Variants in ZFAT observed in about 807,000 individuals in gnomAD.
The protein encoded by ZFAT is zinc finger protein ZFAT.
Under a neutral mutation model 117.7 loss-of-function variants are expected in ZFAT, and 64 were observed. The ratio of observed to expected loss-of-function variants is 0.54; its 90% CI spans 0.44 to 0.67. The LOEUF is 0.67. ZFAT is among the 30% of genes least tolerant of loss of function. The probability of loss-of-function intolerance (pLI) is 0.00; values close to 1 mark genes in which losing one functional copy is unlikely to be tolerated. For synonymous variants in ZFAT, 679 were observed against 615.0 expected, an observed-to-expected ratio of 1.10 and a Z score of -1.54; for missense variants, 1,433 against 1,584.5, an observed-to-expected ratio of 0.90 and a Z score of 1.62.
chr8:134,520,863 A>G lies in ZFAT; in HGVS notation c.3234+20T>C, dbSNP rs778918985. On this transcript the variant is annotated intron_variant, in intron 13 of 15. Transcript: ENST00000377838. ...TGTGTTTTGAAATGTCAAGATTAAT[A>G]CCATACTTAAAAAAATTACCTCCCA... The G allele has an allele frequency of 2.5e-6, 4 of 1,591,822 alleles. No individual in the cohort carries two copies. Among genetic ancestry groups the G allele is most frequent in the East Asian group, 4.5e-5 (2 of 44,734 alleles).
intron 3 of ZFAT, among the ~76,000 whole-genome samples, chr8:134,636,985 T>C (rs1319880098): frequency 6.6e-6 from 1 of 152,258 alleles, no homozygotes; most frequent in Non-Finnish European, 1.5e-5. Flanking sequence ...TTGAGGATCC[T>C]AATCTCTGCA....
the ZFAT span, among the ~76,000 whole-genome samples, chr8:134,726,534 C>T: frequency 1.3e-5 from 2 of 152,190 alleles, no homozygotes; most frequent in African/African-American, 2.4e-5. Flanking sequence ...AGCCCACTCA[C>T]CCAAGTCCTG....
At chr8:134,600,778 G>T in intron 6 of ZFAT, 110 bp from the exon 7 acceptor site, 1 of 883,026 alleles carries the variant, frequency 1.1e-6, no homozygotes, top group Non-Finnish European at 1.7e-6. Flanking sequence ...TCTTGCGCTT[G>T]TCCGGGTCAC....
intron 1 of ZFAT, among the ~76,000 whole-genome samples, chr8:134,669,879 A>G (rs534139028): frequency 1.4e-3 from 211 of 152,338 alleles, no homozygotes; most frequent in Middle Eastern, 6.8e-3. Flanking sequence ...AGAGACACAC[A>G]TAGGCTCAAA....
At chr8:134,791,248 C>T in the ZFAT span, among the ~76,000 whole-genome samples, 1 of 152,226 alleles carries the variant, frequency 6.6e-6, no homozygotes, top group Non-Finnish European at 1.5e-5. Context: ...TGGGTTCAGA[C>T]AACTTTGTAG....
At chr8:134,628,465 G>A (rs1829671374) in intron 3 of ZFAT, among the ~76,000 whole-genome samples, 1 of 152,076 alleles carries the variant, frequency 6.6e-6, no homozygotes, top group Non-Finnish European at 1.5e-5. Context: ...GTCACAAAGG[G>A]GTGCGTTCAG....
intron 1 of ZFAT, among the ~76,000 whole-genome samples, chr8:134,684,805 G>A (rs535496508): frequency 5.1e-4 from 78 of 152,232 alleles, no homozygotes; most frequent in African/African-American, 1.8e-3. Flanking sequence ...GGCAGGTGTG[G>A]GCAGCCTAAC....
At chr8:134,617,908 G>A (rs1828857502) in intron 3 of ZFAT, among the ~76,000 whole-genome samples, 2 of 152,152 alleles carry the variant, frequency 1.3e-5, no homozygotes, top group Admixed American at 1.3e-4. Flanking sequence ...ATTGTGGGAG[G>A]GGCCCAGGGG....
intron 10 of ZFAT, among the ~76,000 whole-genome samples, chr8:134,574,485 C>T (rs1039688950): frequency 6.6e-6 from 1 of 151,628 alleles, no homozygotes; most frequent in Non-Finnish European, 1.5e-5. Context: ...GAGGATGACT[C>T]CAGCTGCTTG....
At chr8:134,806,374 G>C in the ZFAT span, among the ~76,000 whole-genome samples, 1 of 152,138 alleles carries the variant, frequency 6.6e-6, no homozygotes, top group South Asian at 2.1e-4. Context: ...TGGTCTCTAT[G>C]GATACAAGAT....
the ZFAT span, among the ~76,000 whole-genome samples, chr8:134,791,798 A>G: frequency 6.6e-6 from 1 of 152,230 alleles, no homozygotes; most frequent in Non-Finnish European, 1.5e-5. Flanking sequence ...TCTTACAGCT[A>G]AAAGATAGCC....
At chr8:134,811,902 G>A in the ZFAT span, among the ~76,000 whole-genome samples, 1 of 152,170 alleles carries the variant, frequency 6.6e-6, no homozygotes, top group Non-Finnish European at 1.5e-5. Flanking sequence ...CTAGCACTTC[G>A]GGAGGCTGAG....
intron 15 of ZFAT, among the ~76,000 whole-genome samples, chr8:134,498,356 C>T (rs1818672892): frequency 7.2e-6 from 1 of 139,524 alleles, no homozygotes; most frequent in African/African-American, 2.8e-5. Context: ...GCTGGTTACA[C>T]ACACAGCCTG....
chr8:134,705,493 A>T (rs1198614418), intron 1 of ZFAT, among the ~76,000 whole-genome samples: 2 of 151,502 alleles, frequency 1.3e-5, no homozygotes. Flanking sequence ...CTGAGATTGA[A>T]GGCATGAGCC....
intron 7 of ZFAT, among the ~76,000 whole-genome samples, chr8:134,593,512 AATG>A: frequency 6.6e-6 from 1 of 152,278 alleles, no homozygotes; most frequent in East Asian, 1.9e-4. Context: ...CCCATGCCTT[AATG>A]ACGGTAGGAG....
chr8:134,541,095 A>C (rs994688002), intron 11 of ZFAT, among the ~76,000 whole-genome samples: 1 of 152,198 alleles, frequency 6.6e-6, no homozygotes, highest in African/African-American at 2.4e-5. Context: ...CTTGACCTTA[A>C]GGGAAATCTT....
the ZFAT span, among the ~76,000 whole-genome samples, chr8:134,726,714 ACCTCAGCCTCCTGAGTAGCTGGGACCG>A: frequency 6.6e-6 from 1 of 151,628 alleles, no homozygotes; most frequent in Non-Finnish European, 1.5e-5. Flanking sequence ...CAGTCCTCCC[ACCTCAGCCTCCTGAGTAGCTGGGACCG>A]CAGGTGAACG....
At chr8:134,678,404 CA>C (rs1430813153) in intron 1 of ZFAT, among the ~76,000 whole-genome samples, 2 of 152,072 alleles carry the variant, frequency 1.3e-5, no homozygotes, top group African/African-American at 4.8e-5. Context: ...AGGACCTCTT[CA>C]AGGAGAATTA....
At chr8:134,703,043 T>C (rs1017702670) in intron 1 of ZFAT, among the ~76,000 whole-genome samples, 5 of 152,240 alleles carry the variant, frequency 3.3e-5, no homozygotes, top group East Asian at 1.9e-4. Flanking sequence ...CAGACTAATA[T>C]ATAAGTGTAC....
Sources: gnomAD v4.1 joint callset for allele counts (sites outside exome capture counted in the v4.1 genomes callset) on GRCh38, gnomAD v4.1.1 for gene constraint, MANE v1.5 for transcripts, NCBI Gene and HGNC (gene_info 2026-07-23, HGNC 2026-07-21) for gene names.